Variants in GRHL2 observed in about 807,000 individuals in gnomAD.
GRHL2 encodes grainyhead-like protein 2 homolog.
In GRHL2, 21 loss-of-function variants were observed where a neutral mutation model predicts 83.8. The ratio of observed to expected loss-of-function variants is 0.25; its 90% CI spans 0.18 to 0.36. The LOEUF (loss-of-function observed/expected upper bound fraction) is 0.36, where lower values mean the gene tolerates loss of function less well. GRHL2 is among the 10% of genes least tolerant of loss of function. The pLI is 1.00. For synonymous variants in GRHL2, 280 were observed against 278.9 expected, an observed-to-expected ratio of 1.00 and a Z score of -0.04; for missense variants, 623 against 781.8, an observed-to-expected ratio of 0.80 and a Z score of 2.42.
At chr8:101,513,558 G>A (rs1339342723) in intron 1 of GRHL2, among the ~76,000 whole-genome samples, 1 of 144,676 alleles carries the variant, frequency 6.9e-6, no homozygotes, top group Non-Finnish European at 1.5e-5. Context: ...GCATTGGCTC[G>A]ATCTCAGCTC....
rs115171249 is a variant in GRHL2, at chr8:101,648,493, C to T, written c.1613-921C>T. Among the ~76,000 whole-genome samples, 501 of 152,294 alleles carry T rather than the reference C, an allele frequency of 3.3e-3. 7 individuals are homozygous for T. The highest frequency in any genetic ancestry group is 0.011 in the African/African-American group (478 of 41,576). ...TGCTGTGTGCAGGCCCTGGGCTAAG[C>T]GTGCCACATGGCTTTTATTTCATTT... On this transcript the variant is annotated intron_variant, in intron 13 of 15. Transcript: ENST00000646743.
At chr8:101,545,037 T>C (rs1224567072) in intron 2 of GRHL2, among the ~76,000 whole-genome samples, 2 of 152,260 alleles carry the variant, frequency 1.3e-5, no homozygotes, top group East Asian at 3.9e-4. Flanking sequence ...CTTGGGGAGA[T>C]GATTGAAAAC....
chr8:101,669,912 G>A (rs1228982884), downstream of GRHL2, among the ~76,000 whole-genome samples: 1 of 152,180 alleles, frequency 6.6e-6, no homozygotes, highest in Non-Finnish European at 1.5e-5. Flanking sequence ...AATGTGAAGA[G>A]GGCTGAAGAA....
chr8:101,624,171 TCACAGTACACAGTACACAGTAGGACAGTA>T (rs1563613541), intron 9 of GRHL2, among the ~76,000 whole-genome samples: 1 of 137,838 alleles, frequency 7.3e-6, no homozygotes, highest in East Asian at 2.2e-4. Flanking sequence ...GTAGGACAGT[TCACAGTACACAGTACACAGTAGGACAGTA>T]CACAGTAGAA....
chr8:101,509,163 T>C (rs1810407649), intron 1 of GRHL2, among the ~76,000 whole-genome samples: 1 of 111,312 alleles, frequency 9.0e-6, no homozygotes, highest in African/African-American at 2.9e-5. Context: ...CCTTCCTTTC[T>C]TTCTTTCTTT....
chr8:101,567,744 C>G (rs1445281848), intron 4 of GRHL2, among the ~76,000 whole-genome samples: 1 of 152,162 alleles, frequency 6.6e-6, no homozygotes, highest in South Asian at 2.1e-4. Flanking sequence ...TTGAGTCTTT[C>G]TGAGTCTGAA....
chr8:101,639,831 C>T (rs942322932), intron 12 of GRHL2, among the ~76,000 whole-genome samples: 1 of 152,258 alleles, frequency 6.6e-6, no homozygotes, highest in African/African-American at 2.4e-5. Context: ...ATCAGGACTG[C>T]TCATTGGCCA....
In GRHL2 at chr8:101,650,515, T is replaced by C. The variant is rs1202987885; in HGVS notation, c.1698+1016T>C. Among the ~76,000 whole-genome samples, 4 of 152,236 alleles carry C rather than the reference T, an allele frequency of 2.6e-5. No individual in the cohort carries two copies. In the East Asian group the frequency reaches 7.7e-4, roughly 29 times the overall value. The stretch of plus-strand genomic sequence containing the variant: ...TTGTTTGAATACTTGTTTCCAGTTC[T>C]TTTGGGTATGTTCCAAGGTGTGGAA... On this transcript the variant is annotated intron_variant, in intron 14 of 15. Coordinates refer to ENST00000646743, the MANE Select transcript of GRHL2 (RefSeq NM_024915.4).
chr8:101,678,721 G>A, the GRHL2 span, among the ~76,000 whole-genome samples: 40,480 of 150,726 alleles, frequency 0.27, 5,717 homozygotes, highest in African/African-American at 0.36. Context: ...CTCCCAGCAC[G>A]CAGCTGGAGA....
At chr8:101,586,179 A>G (rs913567720) in intron 7 of GRHL2, among the ~76,000 whole-genome samples, 3 of 146,912 alleles carry the variant, frequency 2.0e-5, no homozygotes, top group Non-Finnish European at 4.4e-5. Flanking sequence ...TCCCGGGTTC[A>G]CGCCATTCTC....
At chr8:101,585,871 G>A (rs1812152379) in intron 7 of GRHL2, among the ~76,000 whole-genome samples, 1 of 151,998 alleles carries the variant, frequency 6.6e-6, no homozygotes, top group African/African-American at 2.4e-5. Context: ...GATGAATCCT[G>A]GAAACTCATT....
At chr8:101,497,521 C>T (rs926539882) in intron 1 of GRHL2, among the ~76,000 whole-genome samples, 5 of 152,202 alleles carry the variant, frequency 3.3e-5, no homozygotes, top group Non-Finnish European at 5.9e-5. Context: ...AGATGATGCA[C>T]ATGCTTAAAA....
chr8:101,528,081 CATT>C (rs1810844308), intron 1 of GRHL2, among the ~76,000 whole-genome samples: 1 of 152,130 alleles, frequency 6.6e-6, no homozygotes, highest in Admixed American at 6.5e-5. Context: ...AGCTGTAAGA[CATT>C]ATTATTCTAC....
chr8:101,527,829 C>T (rs1400263718), intron 1 of GRHL2, among the ~76,000 whole-genome samples: 1 of 152,166 alleles, frequency 6.6e-6, no homozygotes, highest in East Asian at 1.9e-4. Flanking sequence ...TCTGTTTAGA[C>T]TTTCATGTTC....
At chr8:101,631,874 G>T in intron 10 of GRHL2, 150 bp downstream of exon 10, 3 of 732,130 alleles carry the variant, frequency 4.1e-6, no homozygotes, top group Non-Finnish European at 2.5e-6. Context: ...CAGGGTGATT[G>T]ATTATCCCTG....
intron 1 of GRHL2, among the ~76,000 whole-genome samples, chr8:101,498,078 A>G (rs1056385018): frequency 2.0e-5 from 3 of 152,182 alleles, no homozygotes; most frequent in Non-Finnish European, 4.4e-5. Context: ...AATCCCACTC[A>G]TGTGCGAGCT....
chr8:101,544,444 T>C (rs1811218729), intron 2 of GRHL2, among the ~76,000 whole-genome samples: 1 of 152,206 alleles, frequency 6.6e-6, no homozygotes, highest in Non-Finnish European at 1.5e-5. Flanking sequence ...ACCTATAAAA[T>C]AGGAGTATTT....
chr8:101,661,708 G>T (rs567625727), intron 14 of GRHL2, among the ~76,000 whole-genome samples: 4 of 152,258 alleles, frequency 2.6e-5, no homozygotes, highest in Admixed American at 1.3e-4. Flanking sequence ...TTTTTCAAAT[G>T]AGATATTTGG....
chr8:101,599,511 G>A (rs1416219608), intron 8 of GRHL2, among the ~76,000 whole-genome samples: 1 of 152,172 alleles, frequency 6.6e-6, no homozygotes. Context: ...TGATGTCTTC[G>A]TAGGTAAGCT....
Sources: gnomAD v4.1 joint callset for allele counts (sites outside exome capture counted in the v4.1 genomes callset) on GRCh38, gnomAD v4.1.1 for gene constraint, MANE v1.5 for transcripts, NCBI Gene and HGNC (gene_info 2026-07-23, HGNC 2026-07-21) for gene names.